Variants in NRG1 observed in about 807,000 individuals in gnomAD.
The protein encoded by NRG1 is neuregulin 1.
Under a neutral mutation model 63.8 loss-of-function variants are expected in NRG1, and 18 were observed. The ratio of observed to expected loss-of-function variants is 0.28; its 90% CI spans 0.19 to 0.42. NRG1 has a LOEUF of 0.42. Among genes scored for constraint, NRG1 ranks in the 10% least tolerant of loss-of-function variants. The pLI is 1.00. For synonymous variants in NRG1, 302 were observed against 301.3 expected, an observed-to-expected ratio of 1.00 and a Z score of -0.02; for missense variants, 762 against 814.7, an observed-to-expected ratio of 0.94 and a Z score of 0.79.
chr8:32,396,664 T>C (rs1282811625), intron 1 of NRG1, among the ~76,000 whole-genome samples: 1 of 152,164 alleles, frequency 6.6e-6, no homozygotes, highest in Admixed American at 6.5e-5. Context: ...GTTAGGCTAG[T>C]GTTGAACTCC....
chr8:31,705,276 G>A (rs899855261), intron 1 of NRG1, among the ~76,000 whole-genome samples: 1 of 152,086 alleles, frequency 6.6e-6, no homozygotes, highest in African/African-American at 2.4e-5. Flanking sequence ...TCCATCTCCT[G>A]ACCTTGTGAT....
Position 31,640,067 on chromosome 8 carries a change from C to T in NRG1, c.37+636C>T. 8.8e-7 allele frequency: 1 copy of T among 1,136,348 alleles called. No individual in the cohort carries two copies. Among genetic ancestry groups the T allele is most frequent in the Non-Finnish European group, 1.1e-6 (1 of 928,298 alleles). The allele number at this position is 1,136,348 out of a possible 1,614,324, so 70.4% of individuals were successfully genotyped here. A position where few individuals can be genotyped will look rare whatever the true frequency, so the allele number is the denominator to read the frequency against. ...CCCGGCTCCGCCGCCCGCTCGTCGC[C>T]GCCGCTGCCGCTGCTGCCACTACTG... On this transcript the variant is annotated intron_variant, in intron 1 of 10. Coordinates refer to the NRG1 transcript ENST00000519301. This position sits in a 1 kb window ranked among gnomAD's most constrained non-coding sequence, Gnocchi z 6.3.
At chr8:32,142,438 C>T (rs1055174141) in intron 1 of NRG1, among the ~76,000 whole-genome samples, 14 of 152,110 alleles carry the variant, frequency 9.2e-5, no homozygotes, top group Admixed American at 2.6e-4. Flanking sequence ...AATCAATATT[C>T]GGCGTGATTA....
intron 1 of NRG1, among the ~76,000 whole-genome samples, chr8:32,361,606 C>A (rs1807221007): frequency 6.6e-6 from 1 of 152,144 alleles, no homozygotes; most frequent in Non-Finnish European, 1.5e-5. Context: ...CCAGCTCTGA[C>A]CACAGAGATC....
At chr8:31,721,449 G>C (rs2131307600) in intron 1 of NRG1, among the ~76,000 whole-genome samples, 2 of 152,186 alleles carry the variant, frequency 1.3e-5, no homozygotes, top group Middle Eastern at 6.8e-3. Context: ...CAAACCTTGA[G>C]AGTTTCTATA....
chr8:31,780,584 C>T (rs1490640896), intron 1 of NRG1, among the ~76,000 whole-genome samples: 1 of 152,098 alleles, frequency 6.6e-6, no homozygotes, highest in Admixed American at 6.6e-5. Flanking sequence ...TTCTATTGAC[C>T]TGCGTTAGAA....
intron 1 of NRG1, among the ~76,000 whole-genome samples, chr8:31,924,793 TG>T (rs1834205448): frequency 6.6e-6 from 1 of 151,984 alleles, no homozygotes; most frequent in Non-Finnish European, 1.5e-5. Context: ...GGTTTTGACA[TG>T]GTATTTTCTA....
At position 32,564,943 on chromosome 8, in the gene NRG1, ATGTG is replaced by A. The variant is rs1837166427; in HGVS notation, c.100+16119_100+16122del. 4.6e-5 allele frequency among the ~76,000 whole-genome samples: 7 copies of A among 152,080 alleles called. No homozygotes were observed. In the South Asian group the frequency reaches 1.5e-3, roughly 32 times the overall value. On this transcript the variant is annotated intron_variant, in intron 1 of 11. Transcript: ENST00000356819. The stretch of plus-strand genomic sequence containing the variant: ...AAGTTAGCCAGTTATAATGGTGCAC[ATGTG>A]TAGTACCAGCTACTTGGGAGGCTGA...
Position 31,932,789 on chromosome 8 carries a change from G to C in NRG1, c.37+293358G>C, listed in dbSNP as rs573589254. ...GAGATTTGCATTTTTCTGAAAATCAGAGTGCTGAATTTTCTTAGCTTTGAA... is the reference window on the plus strand; with the variant it reads ...GAGATTTGCATTTTTCTGAAAATCACAGTGCTGAATTTTCTTAGCTTTGAA... On this transcript the variant is annotated intron_variant, in intron 1 of 10. Transcript: ENST00000519301. Among the ~76,000 whole-genome samples the C allele has an allele frequency of 2.0e-4, 30 of 152,318 alleles. No individual in the cohort carries two copies. In the South Asian group the frequency reaches 3.1e-3, roughly 16 times the overall value.
At chr8:32,299,098 G>A (rs1176708609) in intron 1 of NRG1, among the ~76,000 whole-genome samples, 1 of 148,152 alleles carries the variant, frequency 6.7e-6, no homozygotes, top group Non-Finnish European at 1.5e-5. Context: ...CCAGAGTTAC[G>A]ACTGCTATAA....
chr8:32,108,195 A>G (rs927490293), intron 1 of NRG1, among the ~76,000 whole-genome samples: 2 of 152,192 alleles, frequency 1.3e-5, no homozygotes, highest in Non-Finnish European at 2.9e-5. Flanking sequence ...AACATGATTA[A>G]GGGCAATTAA....
intron 1 of NRG1, among the ~76,000 whole-genome samples, chr8:31,759,497 C>T (rs887835074): frequency 4.6e-5 from 7 of 152,004 alleles, no homozygotes; most frequent in African/African-American, 1.7e-4. Flanking sequence ...ATGTTTCTCT[C>T]CACATTTAAT....
At chr8:31,684,299 T>A (rs964183064) in intron 1 of NRG1, among the ~76,000 whole-genome samples, 1 of 152,152 alleles carries the variant, frequency 6.6e-6, no homozygotes, top group South Asian at 2.1e-4. Flanking sequence ...TAGTGAGGTC[T>A]CTGACCTCAT....
intron 1 of NRG1, among the ~76,000 whole-genome samples, chr8:32,123,249 C>A (rs1833696934): frequency 6.6e-6 from 1 of 151,932 alleles, no homozygotes; most frequent in South Asian, 2.1e-4. Context: ...TCTCATAATT[C>A]CCATTTGTCA....
intron 1 of NRG1, among the ~76,000 whole-genome samples, chr8:32,549,418 C>G (rs1431320263): frequency 6.6e-6 from 1 of 152,196 alleles, no homozygotes; most frequent in Non-Finnish European, 1.5e-5. Context: ...TACGGAGACT[C>G]AAGAGCAGCG....
intron 1 of NRG1, among the ~76,000 whole-genome samples, chr8:32,187,716 G>A (rs76026019): frequency 0.074 from 11,303 of 151,976 alleles, 846 homozygotes; most frequent in African/African-American, 0.2. Context: ...TATTAAGGTA[G>A]AGGAGGGGTG....
At chr8:32,673,899 G>A (rs966867064) in intron 5 of NRG1, among the ~76,000 whole-genome samples, 4 of 152,096 alleles carry the variant, frequency 2.6e-5, no homozygotes, top group African/African-American at 7.2e-5. Flanking sequence ...GAAATTTAAG[G>A]TTCTTCATGT....
At chr8:31,843,298 A>G (rs1826368537) in intron 1 of NRG1, among the ~76,000 whole-genome samples, 1 of 152,138 alleles carries the variant, frequency 6.6e-6, no homozygotes, top group African/African-American at 2.4e-5. Context: ...TTGTTTCCAT[A>G]TTCTTTGTGA....
chr8:31,770,628 T>G (rs1818521403), intron 1 of NRG1, among the ~76,000 whole-genome samples: 5 of 139,368 alleles, frequency 3.6e-5, no homozygotes, highest in East Asian at 2.1e-4. Context: ...GGGGTGGGGG[T>G]AGGGGGGAGG....
Sources: gnomAD v4.1 joint callset for allele counts (sites outside exome capture counted in the v4.1 genomes callset) on GRCh38, gnomAD v4.1.1 for gene constraint, Gnocchi (gnomAD v3.1) non-coding constraint, MANE v1.5 for transcripts, NCBI Gene and HGNC (gene_info 2026-07-23, HGNC 2026-07-21) for gene names.